The following TGFBR2 variants were observed in gnomAD, a reference collection of about 807,000 sequenced individuals.
The protein encoded by TGFBR2 is transforming growth factor beta receptor 2.
A neutral mutation model predicts 49.0 loss-of-function variants in TGFBR2; 18 were observed. The observed-to-expected ratio is 0.37, with a 90% CI of 0.25 to 0.54. The LOEUF (loss-of-function observed/expected upper bound fraction) is 0.54. Ranked by LOEUF, TGFBR2 falls within the 20% of genes least tolerant of loss-of-function variation. TGFBR2 has a pLI of 0.85. For missense variants in TGFBR2, 525 were observed against 722.6 expected, an observed-to-expected ratio of 0.73 and a Z score of 3.13; for synonymous variants, 282 against 275.9, an observed-to-expected ratio of 1.02 and a Z score of -0.22.
At chr3:30,658,235 G>T (rs1309186515) in intron 3 of TGFBR2, among the ~76,000 whole-genome samples, 1 of 152,174 alleles carries the variant, frequency 6.6e-6, no homozygotes, top group Non-Finnish European at 1.5e-5. Context: ...AAAGCTTAGA[G>T]TCAAATCTGA....
chr3:30,607,799 A>AAAAAAATAT lies in TGFBR2; in HGVS notation c.94+823_94+824insAAAAATATA, dbSNP rs1367214755. 5.1e-5 allele frequency among the ~76,000 whole-genome samples: 7 copies of AAAAAAATAT among 138,316 alleles called. No individual in the cohort carries two copies. The East Asian group carries it at 8.3e-4, about 16-fold the overall frequency. The allele number at this position is 138,316 out of a possible 152,430, so 90.7% of individuals were successfully genotyped here. A position where few individuals can be genotyped will look rare whatever the true frequency, so the allele number is the denominator to read the frequency against. ...TTTAAGGAAAAAATAAAAATAAAAA[A>AAAAAAATAT]ATATATATATATATTATATATATAT... On this transcript the variant is annotated intron_variant, in intron 1 of 6. Coordinates refer to ENST00000295754, the MANE Select transcript of TGFBR2 (RefSeq NM_003242.6).
At chr3:30,615,528 T>G (rs998293738) in intron 1 of TGFBR2, among the ~76,000 whole-genome samples, 6 of 152,172 alleles carry the variant, frequency 3.9e-5, no homozygotes, top group Admixed American at 3.9e-4. Context: ...TGATCTACAT[T>G]TCTAAAGGGA....
intron 1 of TGFBR2, among the ~76,000 whole-genome samples, chr3:30,607,834 TATA>T (rs1559444184): frequency 7.2e-5 from 9 of 125,638 alleles, no homozygotes; most frequent in African/African-American, 3.5e-4. Flanking sequence ...TAAATATATA[TATA>T]ATTATATATA....
intron 3 of TGFBR2, among the ~76,000 whole-genome samples, chr3:30,653,957 A>C (rs1476801634): frequency 6.6e-6 from 1 of 152,216 alleles, no homozygotes; most frequent in Non-Finnish European, 1.5e-5. Context: ...CACTTTGTCT[A>C]CAATCAAACA....
chr3:30,607,787 TA>T (rs1282819756), intron 1 of TGFBR2, among the ~76,000 whole-genome samples: 37 of 127,726 alleles, frequency 2.9e-4, no homozygotes, highest in African/African-American at 1.3e-3. Flanking sequence ...AAGGAAAAAA[TA>T]AAAATAAAAA....
At chr3:30,640,690 A>T (rs769612985) in intron 1 of TGFBR2, among the ~76,000 whole-genome samples, 3 of 152,198 alleles carry the variant, frequency 2.0e-5, no homozygotes, top group Non-Finnish European at 4.4e-5. Flanking sequence ...GGTTGATGGA[A>T]ACCGCAGATG....
At position 30,691,899 on chromosome 3, in the gene TGFBR2, T is replaced by C; in HGVS notation, c.*300T>C. ...ATTAATGCCTGTATATAAATATGAA[T>C]AGCTATGTTTTATATATATATATAT... is the stretch of plus-strand genomic sequence containing the variant. On this transcript the variant is annotated 3_prime_UTR_variant, in exon 7 of 7. Coordinates refer to ENST00000295754, the MANE Select transcript of TGFBR2 (RefSeq NM_003242.6). 2 of 327,358 alleles carry C rather than the reference T, an allele frequency of 6.1e-6. No individual in the cohort carries two copies. The highest frequency in any genetic ancestry group is 1.1e-5 in the Non-Finnish European group (2 of 175,964). The allele number at this position is 327,358 out of a possible 1,614,324, so 20.3% of individuals were successfully genotyped here. A position where few individuals can be genotyped will look rare whatever the true frequency, so the allele number is the denominator to read the frequency against.
chr3:30,636,197 GTGTA>G, intron 1 of TGFBR2, among the ~76,000 whole-genome samples: 1 of 141,682 alleles, frequency 7.1e-6, no homozygotes, highest in African/African-American at 2.7e-5. Context: ...GTGTGTGTGT[GTGTA>G]TAGTACTGGG....
intron 5 of TGFBR2, among the ~76,000 whole-genome samples, 188 bp downstream of exon 5, chr3:30,674,434 C>A (rs1699397356): frequency 6.6e-6 from 1 of 152,202 alleles, no homozygotes; most frequent in African/African-American, 2.4e-5. Flanking sequence ...CTGAAAGCCA[C>A]ATTTGGAGCA....
Position 30,671,569 on chromosome 3 carries a change from A to C in TGFBR2, c.455-69A>C, listed in dbSNP as rs996777362. On this transcript the variant is annotated intron_variant, in intron 3 of 6. Transcript: ENST00000295754. ...TAAAATCTATAGATGCTCAGGCATG[A>C]ACCCACTTCCTGACAGTACTTACCT... 19 of 1,506,224 alleles carry C rather than the reference A, an allele frequency of 1.3e-5. No homozygotes were observed. The Middle Eastern group carries it at 1.0e-3, about 83-fold the overall frequency. The allele number at this position is 1,506,224 out of a possible 1,614,324, so 93.3% of individuals were successfully genotyped here. A position where few individuals can be genotyped will look rare whatever the true frequency, so the allele number is the denominator to read the frequency against.
intron 3 of TGFBR2, among the ~76,000 whole-genome samples, chr3:30,665,163 T>A (rs1407431367): frequency 6.6e-6 from 1 of 152,164 alleles, no homozygotes; most frequent in African/African-American, 2.4e-5. Context: ...CGAGAGTATA[T>A]ATGCAACTGG....
At chr3:30,622,767 C>G (rs951401994) in intron 1 of TGFBR2, among the ~76,000 whole-genome samples, 2 of 150,710 alleles carry the variant, frequency 1.3e-5, no homozygotes, top group Non-Finnish European at 2.9e-5. Context: ...ATAATCCCAG[C>G]TACTCAGGAA....
At chr3:30,666,893 G>T (rs989007957) in intron 3 of TGFBR2, among the ~76,000 whole-genome samples, 1 of 151,444 alleles carries the variant, frequency 6.6e-6, no homozygotes, top group African/African-American at 2.4e-5. Context: ...TGATTCTCCC[G>T]CCAAAGTGCT....
In TGFBR2 at chr3:30,615,833, A is replaced by T. The variant is rs114696537; in HGVS notation, c.94+8856A>T. ...TAACTCACTGCAGCCTTGGAGTCCT[A>T]GGTTCAAGCAGTCCTCTAGAGTAGC... On this transcript the variant is annotated intron_variant, in intron 1 of 6. Transcript: ENST00000295754. Among the ~76,000 whole-genome samples the T allele has an allele frequency of 1.9e-3, 296 of 152,224 alleles. 2 individuals carry two copies. The highest frequency in any genetic ancestry group is 6.5e-3 in the African/African-American group (272 of 41,552).
At chr3:30,619,959 G>A (rs921234459) in intron 1 of TGFBR2, among the ~76,000 whole-genome samples, 3 of 126,254 alleles carry the variant, frequency 2.4e-5, no homozygotes, top group African/African-American at 5.2e-5. Context: ...AGGCCGAGGC[G>A]GGCGGATCAC....
intron 3 of TGFBR2, among the ~76,000 whole-genome samples, chr3:30,658,109 T>C (rs1345358961): frequency 2.0e-5 from 3 of 152,208 alleles, no homozygotes; most frequent in Non-Finnish European, 4.4e-5. Context: ...AGTGTGTAAG[T>C]GATTGGACGT....
chr3:30,681,231 A>AG (rs1699534642), intron 5 of TGFBR2, among the ~76,000 whole-genome samples: 1 of 151,910 alleles, frequency 6.6e-6, no homozygotes, highest in East Asian at 1.9e-4. Context: ...AGAAAGAGAC[A>AG]GAAAAAAAGG....
chr3:30,678,056 A>G (rs1699469533), intron 5 of TGFBR2, among the ~76,000 whole-genome samples: 1 of 152,204 alleles, frequency 6.6e-6, no homozygotes, highest in Non-Finnish European at 1.5e-5. Flanking sequence ...AAAAAAGGAA[A>G]TGTGGAATGT....
intron 2 of TGFBR2, among the ~76,000 whole-genome samples, chr3:30,648,419 T>TACAC (rs35473576): frequency 0.1 from 11,606 of 115,414 alleles, 590 homozygotes; most frequent in African/African-American, 0.11. Context: ...AAAAACAACC[T>TACAC]ACACACACAC....
Sources: allele counts gnomAD v4.1 joint callset (sites outside exome capture counted in the v4.1 genomes callset), GRCh38; gene constraint gnomAD v4.1.1; transcripts MANE v1.5; gene names NCBI Gene and HGNC (gene_info 2026-07-23, HGNC 2026-07-21).